The following LCLAT1 variants were observed in gnomAD, a reference collection of about 807,000 sequenced individuals.
LCLAT1 encodes the protein lysocardiolipin acyltransferase 1, also known as 1-AGP acyltransferase 8.
Under a neutral mutation model 30.7 loss-of-function variants are expected in LCLAT1, and 11 were observed. That is an observed-to-expected ratio of 0.36 (90% CI 0.23 to 0.59). The LOEUF is 0.59. Among genes scored for constraint, LCLAT1 ranks in the 20% least tolerant of loss-of-function variants. The pLI is 0.77. For missense variants in LCLAT1, 402 were observed against 458.6 expected (o/e 0.88, Z 1.13); for synonymous variants, 155 against 151.3 (o/e 1.02, Z -0.18).
At chr2:30,610,105 A>G (rs1193232076) in intron 5 of LCLAT1, among the ~76,000 whole-genome samples, 1 of 152,128 alleles carries the variant, frequency 6.6e-6, no homozygotes, top group Non-Finnish European at 1.5e-5. Context: ...TTTTTCTAAT[A>G]ACTAGACTTT....
intron 5 of LCLAT1, among the ~76,000 whole-genome samples, chr2:30,579,076 G>A (rs1198729927): frequency 2.0e-5 from 3 of 152,036 alleles, no homozygotes; most frequent in Non-Finnish European, 4.4e-5. Context: ...ACGGCACCTG[G>A]CCTGTTCCTT....
chr2:30,494,953 AT>A (rs563456939), intron 1 of LCLAT1, among the ~76,000 whole-genome samples: 4,502 of 137,738 alleles, frequency 0.033, 190 homozygotes, highest in African/African-American at 0.1. Flanking sequence ...ATGAAGTGTG[AT>A]TTTTTTTTTT....
chr2:30,552,149 A>T (rs1339636418), intron 3 of LCLAT1, among the ~76,000 whole-genome samples: 3 of 152,354 alleles, frequency 2.0e-5, no homozygotes, highest in Non-Finnish European at 4.4e-5. Context: ...CAGTTTTGCA[A>T]CAGGAAGAAA....
At chr2:30,622,147 C>T (rs1668288234) in intron 5 of LCLAT1, among the ~76,000 whole-genome samples, 1 of 152,142 alleles carries the variant, frequency 6.6e-6, no homozygotes, top group South Asian at 2.1e-4. Flanking sequence ...TCACTGTTCC[C>T]TGGCGACCTG....
chr2:30,529,456 T>C (rs1219377604), intron 2 of LCLAT1, among the ~76,000 whole-genome samples: 1 of 152,224 alleles, frequency 6.6e-6, no homozygotes, highest in East Asian at 1.9e-4. Context: ...AGTGCATGCC[T>C]TTGTTCCTTT....
At chr2:30,567,691 C>T (rs6731031) in intron 4 of LCLAT1, among the ~76,000 whole-genome samples, 133,549 of 152,200 alleles carry the variant, frequency 0.88, 59,007 homozygotes, top group African/African-American at 0.97. Context: ...ACATCTCCTA[C>T]AGCAAGTTTC....
chr2:30,627,756 A>G (rs1233882578), intron 5 of LCLAT1, among the ~76,000 whole-genome samples: 1 of 152,192 alleles, frequency 6.6e-6, no homozygotes, highest in Non-Finnish European at 1.5e-5. Context: ...TCTTTTAAAA[A>G]AACATTCTAC....
At chr2:30,618,459 A>G (rs991475453) in intron 5 of LCLAT1, among the ~76,000 whole-genome samples, 1 of 152,174 alleles carries the variant, frequency 6.6e-6, no homozygotes, top group Non-Finnish European at 1.5e-5. Context: ...ATTCTTGCAC[A>G]TATTTTATAA....
At chr2:30,569,474 C>G (rs563879792) in intron 5 of LCLAT1, among the ~76,000 whole-genome samples, 9 of 152,316 alleles carry the variant, frequency 5.9e-5, no homozygotes, top group African/African-American at 2.2e-4. Context: ...GCTCTTCACT[C>G]TGATTTCCAG....
chr2:30,572,263 C>T (rs545369787), intron 5 of LCLAT1, among the ~76,000 whole-genome samples: 21 of 152,248 alleles, frequency 1.4e-4, no homozygotes, highest in African/African-American at 5.1e-4. Flanking sequence ...TCATGATTGC[C>T]TTAATGAAAA....
chr2:30,606,221 T>C (rs1227211486), intron 5 of LCLAT1: 2 of 322,430 alleles, frequency 6.2e-6, no homozygotes, highest in East Asian at 2.9e-4. Flanking sequence ...ACATTCTTCA[T>C]AGAATTAGAA....
At position 30,570,029 on chromosome 2, in the gene LCLAT1, A is replaced by C. The variant is rs181087972; in HGVS notation, c.628+1853A>C. On this transcript the variant is annotated intron_variant, in intron 5 of 5. Transcript: ENST00000379509. ...TAACTTAGACTCACCCTTCTCATTC[A>C]ACAATGTTTTTCTATTTTACAGTAT... Among the ~76,000 whole-genome samples the C allele has an allele frequency of 7.2e-5, 11 of 152,190 alleles. No homozygotes were observed. The East Asian group carries it at 2.1e-3, about 29-fold the overall frequency.
At chr2:30,525,513 C>T (rs897497221) in intron 1 of LCLAT1, 74 bp from the exon 2 acceptor site, 6 of 1,136,246 alleles carry the variant, frequency 5.3e-6, no homozygotes, top group Middle Eastern at 2.6e-4. Flanking sequence ...TCATTCTATG[C>T]TCCATCATCC....
intron 5 of LCLAT1, among the ~76,000 whole-genome samples, chr2:30,637,325 G>GT (rs368367206): frequency 1.7e-3 from 256 of 146,784 alleles, no homozygotes; most frequent in African/African-American, 2.2e-3. Flanking sequence ...AAGATTGCTG[G>GT]TTTTTTTTTT....
At position 30,626,457 on chromosome 2, in the gene LCLAT1, C is replaced by T. The variant is rs543968846; in HGVS notation, c.629-13660C>T. On this transcript the variant is annotated intron_variant, in intron 5 of 5. Coordinates refer to ENST00000379509, the MANE Select transcript of LCLAT1 (RefSeq NM_001002257.3). The stretch of plus-strand genomic sequence containing the variant: ...TATACAAGTCTTTGTGATTTTCTCA[C>T]GTGTGTAGATTCATGTTTTCGTAAT... 2.6e-5 allele frequency among the ~76,000 whole-genome samples: 4 copies of T among 152,060 alleles called. No individual in the cohort carries two copies. In the South Asian group the frequency reaches 6.2e-4, roughly 24 times the overall value.
At chr2:30,536,254 C>G (rs1363650095) in intron 3 of LCLAT1, among the ~76,000 whole-genome samples, 1 of 152,132 alleles carries the variant, frequency 6.6e-6, no homozygotes, top group African/African-American at 2.4e-5. Context: ...CTTTCCAAGT[C>G]TTGGGAGTAA....
chr2:30,608,805 C>CG (rs1448004430), intron 5 of LCLAT1, among the ~76,000 whole-genome samples: 5 of 152,098 alleles, frequency 3.3e-5, no homozygotes, highest in African/African-American at 1.2e-4. Context: ...AACATATCCC[C>CG]GTCAAGTGAC....
chr2:30,503,622 A>G (rs910487933), intron 1 of LCLAT1, among the ~76,000 whole-genome samples: 2 of 152,210 alleles, frequency 1.3e-5, no homozygotes, highest in Admixed American at 1.3e-4. Context: ...GTAACAGGAA[A>G]TTGTTGAAAT....
chr2:30,454,753 G>A (rs1681740782), intron 1 of LCLAT1, among the ~76,000 whole-genome samples: 1 of 151,990 alleles, frequency 6.6e-6, no homozygotes, highest in Non-Finnish European at 1.5e-5. Flanking sequence ...GTGGCCCTAG[G>A]TTGTTTACAT....
Sources: gnomAD v4.1 joint callset for allele counts (sites outside exome capture counted in the v4.1 genomes callset) on GRCh38, gnomAD v4.1.1 for gene constraint, MANE v1.5 for transcripts, NCBI Gene and HGNC (gene_info 2026-07-23, HGNC 2026-07-21) for gene names.